The following PXDNL variants were observed in gnomAD, a reference collection of about 807,000 sequenced individuals.
The protein encoded by PXDNL is probable oxidoreductase PXDNL.
A neutral mutation model predicts 150.8 loss-of-function variants in PXDNL; 145 were observed. The ratio of observed to expected loss-of-function variants is 0.96; its 90% confidence interval spans 0.84 to 1.10. The LOEUF (loss-of-function observed/expected upper bound fraction) is 1.10, where lower values mean the gene tolerates loss of function less well. PXDNL is among the 50% of genes least tolerant of loss of function. The pLI, the probability that PXDNL is intolerant of heterozygous loss-of-function variation, is 0.00. For missense variants in PXDNL, 2,087 were observed against 1,873.9 expected, an observed-to-expected ratio of 1.11 and a Z score of -2.10; for synonymous variants, 757 against 725.7, an observed-to-expected ratio of 1.04 and a Z score of -0.69.
intron 21 of PXDNL, among the ~76,000 whole-genome samples, chr8:51,329,495 G>T (rs1199405683): frequency 6.6e-6 from 1 of 152,092 alleles, no homozygotes; most frequent in Non-Finnish European, 1.5e-5. Flanking sequence ...AATTTACAAG[G>T]CGTGCTCCAA....
At chr8:51,375,645 C>G (rs1023954300) in intron 17 of PXDNL, among the ~76,000 whole-genome samples, 1 of 152,210 alleles carries the variant, frequency 6.6e-6, no homozygotes, top group Non-Finnish European at 1.5e-5. Flanking sequence ...AGTAAACAGT[C>G]TATTATTGGA....
intron 1 of PXDNL, among the ~76,000 whole-genome samples, chr8:51,772,228 C>T (rs1161327559): frequency 1.4e-5 from 2 of 140,602 alleles, no homozygotes; most frequent in South Asian, 4.6e-4. Context: ...CTTTCTCTCT[C>T]TCTCTATATA....
In PXDNL at chr8:51,453,627, T is replaced by G. The variant is rs202199586; in HGVS notation, c.1141A>C (p.Ser381Arg). ...GTGATGTTCTGTAAGTAAAGTCCAC[T>G]GGACGTTGCCACGTGCCTGGATCCA... is the stretch of plus-strand genomic sequence containing the variant. ...LDGSRHVATS[S>R]GLYLQNITQR... The change falls in exon 10 of 23, where the codon AGT (serine) becomes CGT (arginine). Residue 381 changes from serine to arginine, a missense_variant. Ser to Arg is a moderately radical substitution (Grantham distance 110, BLOSUM62 -1). Transcript: ENST00000356297. 97 of 1,614,034 alleles carry G rather than the reference T, an allele frequency of 6.0e-5. No individual in the cohort carries two copies. In the African/African-American group the frequency reaches 9.3e-4, roughly 16 times the overall value.
intron 2 of PXDNL, among the ~76,000 whole-genome samples, chr8:51,597,461 G>A (rs1263223949): frequency 2.6e-5 from 4 of 151,994 alleles, no homozygotes; most frequent in Non-Finnish European, 5.9e-5. Context: ...ACTTTGCTAG[G>A]CATAGCATTG....
chr8:51,478,788 T>G (rs1810537428), intron 6 of PXDNL, among the ~76,000 whole-genome samples: 1 of 152,228 alleles, frequency 6.6e-6, no homozygotes, highest in Admixed American at 6.5e-5. Context: ...TCTGTTGTTC[T>G]CATCTAAATT....
chr8:51,492,436 C>T (rs867559098), intron 5 of PXDNL, among the ~76,000 whole-genome samples: 5 of 152,000 alleles, frequency 3.3e-5, no homozygotes, highest in African/African-American at 7.2e-5. Context: ...AAAGTGGGTG[C>T]AGGACAGTGG....
chr8:51,441,081 A>C (rs1164843360), intron 12 of PXDNL, among the ~76,000 whole-genome samples: 1 of 152,106 alleles, frequency 6.6e-6, no homozygotes, highest in Non-Finnish European at 1.5e-5. Flanking sequence ...AGATAATTGA[A>C]TCATGGGGGT....
At chr8:51,631,126 T>A (rs988064045) in intron 2 of PXDNL, among the ~76,000 whole-genome samples, 1 of 152,174 alleles carries the variant, frequency 6.6e-6, no homozygotes, top group Non-Finnish European at 1.5e-5. Flanking sequence ...TCATGTTCTT[T>A]ACAGCAATAT....
chr8:51,457,274 A>G (rs540902089), intron 9 of PXDNL, among the ~76,000 whole-genome samples: 1 of 152,238 alleles, frequency 6.6e-6, no homozygotes, highest in Non-Finnish European at 1.5e-5. Flanking sequence ...CAAAAGGAGA[A>G]TAGAAAAGTC....
chr8:51,706,139 C>T (rs911782790), intron 1 of PXDNL, among the ~76,000 whole-genome samples: 4 of 152,044 alleles, frequency 2.6e-5, no homozygotes, highest in African/African-American at 9.7e-5. Context: ...GGTGAAACCC[C>T]TTCTCTACTA....
At chr8:51,433,282 T>A (rs1467115186) in intron 12 of PXDNL, among the ~76,000 whole-genome samples, 2 of 150,864 alleles carry the variant, frequency 1.3e-5, no homozygotes, top group Non-Finnish European at 3.0e-5. Flanking sequence ...TTTAAAAATG[T>A]AATTTTCTAT....
rs141340023 is a variant in PXDNL at position 51,578,448 on chromosome 8, C to G, written c.308+14179G>C. ...GCTTTAGATAATGTTTATTTTAAAA[C>G]TATAAAACACTGATTTTAAAAAATT... On this transcript the variant is annotated intron_variant, in intron 3 of 22. Coordinates refer to ENST00000356297, the MANE Select transcript of PXDNL (RefSeq NM_144651.5). Among the ~76,000 whole-genome samples the G allele has an allele frequency of 9.4e-4, 143 of 151,860 alleles. 1 individual carries two copies. In the East Asian group the frequency reaches 0.018, roughly 19 times the overall value.
At chr8:51,688,181 C>T (rs1358749733) in intron 1 of PXDNL, among the ~76,000 whole-genome samples, 1 of 152,036 alleles carries the variant, frequency 6.6e-6, no homozygotes, top group Non-Finnish European at 1.5e-5. Flanking sequence ...TGCGGCAGAT[C>T]AGTATGACCA....
intron 12 of PXDNL, among the ~76,000 whole-genome samples, chr8:51,446,193 G>C (rs928100303): frequency 8.5e-5 from 13 of 152,220 alleles, no homozygotes; most frequent in Non-Finnish European, 1.8e-4. Context: ...CTACGTTGAT[G>C]CATGCAGCAG....
intron 1 of PXDNL, among the ~76,000 whole-genome samples, chr8:51,742,502 G>A (rs551004139): frequency 1.3e-5 from 2 of 151,922 alleles, no homozygotes; most frequent in African/African-American, 2.4e-5. Flanking sequence ...AAGGGATACC[G>A]AGTGACTGGT....
At chr8:51,352,924 G>A (rs1396759054) in intron 19 of PXDNL, among the ~76,000 whole-genome samples, 2 of 152,076 alleles carry the variant, frequency 1.3e-5, no homozygotes, top group Non-Finnish European at 2.9e-5. Context: ...TAGACAGAGT[G>A]GAATAACATG....
chr8:51,786,220 T>G (rs550201068), intron 1 of PXDNL, among the ~76,000 whole-genome samples: 89 of 152,306 alleles, frequency 5.8e-4, no homozygotes, highest in African/African-American at 1.9e-3. Context: ...AACAATTTTT[T>G]TTTTTGAGAT....
At chr8:51,696,871 G>A (rs1816159538) in intron 1 of PXDNL, among the ~76,000 whole-genome samples, 3 of 292 alleles carry the variant, frequency 0.01, no homozygotes, top group Non-Finnish European at 0.02. Context: ...CCACACACAT[G>A]TGCACACACA....
Position 51,408,133 on chromosome 8 carries a change from GAAGTC to G in PXDNL, c.3486_3490del (p.Leu1162PhefsTer3), listed in dbSNP as rs1808486966. 6.2e-7 allele frequency: 1 copy of G among 1,612,984 alleles called. No homozygotes were observed. The highest frequency in any genetic ancestry group is 8.5e-7 in the Non-Finnish European group (1 of 1,179,574). ...TTGAAGATCCTCAAAGTTCTTAACT[GAAGTC>G]AAATTACAGAAAACTCTGAAGTCAA... On this transcript the variant is annotated frameshift_variant, in exon 17 of 23. Coordinates refer to ENST00000356297, the MANE Select transcript of PXDNL (RefSeq NM_144651.5). LOFTEE classifies it high-confidence loss of function.
Sources: allele counts gnomAD v4.1 joint callset (sites outside exome capture counted in the v4.1 genomes callset), GRCh38; gene constraint gnomAD v4.1.1; transcripts MANE v1.5; gene names NCBI Gene and HGNC (gene_info 2026-07-23, HGNC 2026-07-21).